KIF6: variants seen among roughly 807,000 people sequenced by gnomAD.
The protein encoded by KIF6 is kinesin family member 6, also known as kinesin-like protein KIF6.
In KIF6, 106 loss-of-function variants were observed where a neutral mutation model predicts 112.7. That is an observed-to-expected ratio of 0.94 (90% CI 0.80 to 1.11). The LOEUF is 1.11. KIF6 is among the 50% of genes least tolerant of loss of function. KIF6 has a pLI of 0.00. For synonymous variants in KIF6, 339 were observed against 339.9 expected (o/e 1.00, Z 0.03); for missense variants, 929 against 964.0 (o/e 0.96, Z 0.48).
At chr6:39,358,140 T>A (rs149986125) in intron 18 of KIF6, among the ~76,000 whole-genome samples, 25 of 152,318 alleles carry the variant, frequency 1.6e-4, no homozygotes, top group African/African-American at 6.0e-4. Context: ...AAGGCATAGA[T>A]CACAGCTGGT....
chr6:39,496,238 C>A (rs1581980652), intron 13 of KIF6, among the ~76,000 whole-genome samples: 2 of 152,194 alleles, frequency 1.3e-5, no homozygotes, highest in East Asian at 3.8e-4. Flanking sequence ...ACTGTCACAT[C>A]ACACTTCATT....
chr6:39,623,286 C>T (rs1341314912), intron 5 of KIF6, among the ~76,000 whole-genome samples: 1 of 152,082 alleles, frequency 6.6e-6, no homozygotes, highest in African/African-American at 2.4e-5. Context: ...GGTTGTCTAT[C>T]CTTTCAGATA....
chr6:39,483,145 C>T lies in KIF6; in HGVS notation c.1646-51984G>A, dbSNP rs1396505665. ...GCTGTTTTAAAAGAAAATATTCAGC[C>T]GATTTGAGAGATTTTCCTCCTTTCT... is the stretch of plus-strand genomic sequence containing the variant. On this transcript the variant is annotated intron_variant, in intron 13 of 22. Coordinates refer to ENST00000287152, the MANE Select transcript of KIF6 (RefSeq NM_145027.6). Among the ~76,000 whole-genome samples the T allele has an allele frequency of 2.6e-5, 4 of 152,170 alleles. No homozygotes were observed. The South Asian group carries it at 6.2e-4, about 24-fold the overall frequency.
intron 3 of KIF6, among the ~76,000 whole-genome samples, chr6:39,652,475 TGA>T (rs1438784828): frequency 1.3e-5 from 2 of 151,082 alleles, no homozygotes; most frequent in Non-Finnish European, 2.9e-5. Context: ...TGCAGTGAGC[TGA>T]GATCGCACCA....
chr6:39,378,649 G>T lies in KIF6; in HGVS notation c.1861+6973C>A, dbSNP rs1176530851. The stretch of plus-strand genomic sequence containing the variant: ...CCACTCCTTCTGGTAAGAACGGGAA[G>T]TTCTCATGGCCTGTCCCTCTCACCT... On this transcript the variant is annotated intron_variant, in intron 16 of 22. Transcript: ENST00000287152. The surrounding 1 kb of genome is among the most constrained non-coding windows in gnomAD (Gnocchi z 5.0). 2.0e-5 allele frequency among the ~76,000 whole-genome samples: 3 copies of T among 152,192 alleles called. No homozygotes were observed. Among genetic ancestry groups the T allele is most frequent in the African/African-American group, 7.2e-5 (3 of 41,448 alleles).
At chr6:39,665,647 C>G (rs537694684) in intron 3 of KIF6, among the ~76,000 whole-genome samples, 1 of 151,922 alleles carries the variant, frequency 6.6e-6, no homozygotes, top group Non-Finnish European at 1.5e-5. Context: ...ACAGATCTGT[C>G]CAGAAGAGCT....
At chr6:39,575,497 C>G (rs971952828) in intron 10 of KIF6, among the ~76,000 whole-genome samples, 2 of 152,148 alleles carry the variant, frequency 1.3e-5, no homozygotes, top group Admixed American at 1.3e-4. Context: ...GTCTCGATCT[C>G]CTGACTTTGT....
chr6:39,581,161 C>CTTTTTTTTTTTTTTTTTTTTTTTTTTT (rs60321520), intron 9 of KIF6, among the ~76,000 whole-genome samples: 1 of 78,706 alleles, frequency 1.3e-5, no homozygotes, highest in Non-Finnish European at 2.5e-5. Context: ...GCTTTACTTT[C>CTTTTTTTTTTTTTTTTTTTTTTTTTTT]TTTTTTTTTT....
chr6:39,356,301 T>C (rs1764683538), intron 19 of KIF6, among the ~76,000 whole-genome samples: 1 of 151,968 alleles, frequency 6.6e-6, no homozygotes, highest in Non-Finnish European at 1.5e-5. Context: ...ACGGAGTCTC[T>C]GTCGCCCAGG....
At chr6:39,646,903 T>C (rs1488869044) in intron 3 of KIF6, among the ~76,000 whole-genome samples, 1 of 152,176 alleles carries the variant, frequency 6.6e-6, no homozygotes, top group Non-Finnish European at 1.5e-5. Context: ...CCCAGAGCAG[T>C]TAACTTCTGT....
intron 10 of KIF6, among the ~76,000 whole-genome samples, chr6:39,576,756 TGTTAC>T (rs1780996309): frequency 6.6e-6 from 1 of 152,210 alleles, no homozygotes; most frequent in Non-Finnish European, 1.5e-5. Context: ...AAGCTCCTGC[TGTTAC>T]TGATCTCTGG....
At chr6:39,383,742 T>C (rs1252627996) in intron 16 of KIF6, among the ~76,000 whole-genome samples, 1 of 152,194 alleles carries the variant, frequency 6.6e-6, no homozygotes, top group East Asian at 1.9e-4. Flanking sequence ...AAACTGTAGA[T>C]TGTTTTGGAC....
At chr6:39,619,558 C>G (rs1205580104) in intron 5 of KIF6, among the ~76,000 whole-genome samples, 1 of 152,176 alleles carries the variant, frequency 6.6e-6, no homozygotes, top group African/African-American at 2.4e-5. Flanking sequence ...GCACACTCTC[C>G]AGAAGTGTCT....
rs1471434934 is a variant in KIF6 at position 39,523,427 on chromosome 6, C to T, written c.1645+16576G>A. Reference sequence around the variant, plus strand: ...TGCCAAGAAAATAAAGTTCTAAATTCAAAAGCATGGCTTTTAAGCATCTCA... The same window carrying T: ...TGCCAAGAAAATAAAGTTCTAAATTTAAAAGCATGGCTTTTAAGCATCTCA... On this transcript the variant is annotated intron_variant, in intron 13 of 22. Coordinates refer to ENST00000287152, the MANE Select transcript of KIF6 (RefSeq NM_145027.6). Among the ~76,000 whole-genome samples, 5 of 151,888 alleles carry T rather than the reference C, an allele frequency of 3.3e-5. No homozygotes were observed. The East Asian group carries it at 7.8e-4, about 24-fold the overall frequency.
intron 5 of KIF6, among the ~76,000 whole-genome samples, chr6:39,632,911 C>T (rs181759105): frequency 3.9e-5 from 6 of 152,050 alleles, no homozygotes; most frequent in African/African-American, 7.2e-5. Context: ...TGAGCCACCG[C>T]GCCTGGCCAA....
intron 13 of KIF6, among the ~76,000 whole-genome samples, chr6:39,471,881 A>C (rs965341162): frequency 1.3e-5 from 2 of 152,224 alleles, no homozygotes; most frequent in Admixed American, 1.3e-4. Context: ...TTGTAAATAC[A>C]TGTCCCTTAC....
chr6:39,532,461 T>C (rs1582066091), intron 13 of KIF6, among the ~76,000 whole-genome samples: 2 of 152,126 alleles, frequency 1.3e-5, no homozygotes, highest in East Asian at 3.9e-4. Flanking sequence ...ATGGCCCCCT[T>C]TTCCCAACCA....
intron 9 of KIF6, chr6:39,583,319 C>T (rs755272470): frequency 2.8e-5 from 13 of 457,562 alleles, no homozygotes; most frequent in Admixed American, 1.4e-4. Flanking sequence ...TCCACCCTAG[C>T]AGTTCAGTTC....
At chr6:39,567,235 C>G (rs79834553) in intron 10 of KIF6, among the ~76,000 whole-genome samples, 2,473 of 152,212 alleles carry the variant, frequency 0.016, 64 homozygotes, top group African/African-American at 0.057. Context: ...CACGAATTAC[C>G]CCATCAATCC....
Sources: allele counts gnomAD v4.1 joint callset (sites outside exome capture counted in the v4.1 genomes callset), GRCh38; gene constraint gnomAD v4.1.1; non-coding constraint Gnocchi (gnomAD v3.1); transcripts MANE v1.5; gene names NCBI Gene and HGNC (gene_info 2026-07-23, HGNC 2026-07-21).